CCL28: variants seen among roughly 807,000 people sequenced by gnomAD.
CCL28 encodes C-C motif chemokine ligand 28.
A neutral mutation model predicts 7.1 loss-of-function variants in CCL28; 4 were observed. The observed-to-expected ratio is 0.56, with a 90% CI of 0.28 to 1.29. The LOEUF (loss-of-function observed/expected upper bound fraction) is 1.29. Among genes scored for constraint, CCL28 ranks in the 50% most tolerant of loss-of-function variants. The probability of loss-of-function intolerance (pLI) is 0.11; values close to 1 mark genes in which losing one functional copy is unlikely to be tolerated. For synonymous variants in CCL28, 55 were observed against 57.8 expected, an observed-to-expected ratio of 0.95 and a Z score of 0.22; for missense variants, 151 against 163.4, an observed-to-expected ratio of 0.92 and a Z score of 0.41.
the CCL28 span, among the ~76,000 whole-genome samples, chr5:43,362,229 T>C: frequency 3.3e-5 from 5 of 152,238 alleles, no homozygotes; most frequent in East Asian, 9.6e-4. Context: ...TATTCCCAGG[T>C]ATTTTATTAT....
the CCL28 span, among the ~76,000 whole-genome samples, chr5:43,365,646 T>C: frequency 6.6e-6 from 1 of 152,244 alleles, no homozygotes; most frequent in Non-Finnish European, 1.5e-5. Flanking sequence ...TTGGGATTGC[T>C]CTTCTTGAAG....
chr5:43,362,934 A>T, the CCL28 span, among the ~76,000 whole-genome samples: 1 of 152,368 alleles, frequency 6.6e-6, no homozygotes, highest in African/African-American at 2.4e-5. Flanking sequence ...GTCACCCGTG[A>T]TCTACATGAT....
chr5:43,394,918 G>A (rs1034831261), intron 1 of CCL28, among the ~76,000 whole-genome samples: 13 of 151,302 alleles, frequency 8.6e-5, no homozygotes, highest in South Asian at 2.1e-4. Flanking sequence ...TTTATATATT[G>A]TATAAGATAT....
At chr5:43,377,750 T>TTG (rs1561151422), downstream of CCL28, among the ~76,000 whole-genome samples, 1 of 126,734 alleles carries the variant, frequency 7.9e-6, no homozygotes, top group Non-Finnish European at 1.6e-5. Flanking sequence ...TTTTTTTTTT[T>TTG]GAGACGGAGT....
At chr5:43,408,743 A>C (rs1024510086) in intron 1 of CCL28, among the ~76,000 whole-genome samples, 6 of 152,228 alleles carry the variant, frequency 3.9e-5, no homozygotes, top group African/African-American at 1.4e-4. Context: ...GAGGGATTAA[A>C]GGAATGATGA....
chr5:43,383,019 A>G (rs1740185233), intron 2 of CCL28, among the ~76,000 whole-genome samples: 1 of 151,972 alleles, frequency 6.6e-6, no homozygotes, highest in Non-Finnish European at 1.5e-5. Context: ...GGGTTTTACC[A>G]TGTTGGCCAG....
chr5:43,410,202 C>G (rs1251438707), intron 1 of CCL28, among the ~76,000 whole-genome samples: 1 of 152,196 alleles, frequency 6.6e-6, no homozygotes, highest in Admixed American at 6.5e-5. Context: ...TCCTCCCTCC[C>G]CACTTGGTTT....
chr5:43,405,401 G>A (rs1223423337), intron 1 of CCL28, among the ~76,000 whole-genome samples: 5 of 152,168 alleles, frequency 3.3e-5, no homozygotes, highest in Non-Finnish European at 7.3e-5. Flanking sequence ...TGACTACTGG[G>A]TACATAACAA....
At chr5:43,393,702 C>T (rs542002814) in intron 1 of CCL28, among the ~76,000 whole-genome samples, 54 of 152,298 alleles carry the variant, frequency 3.5e-4, no homozygotes, top group Non-Finnish European at 6.9e-4. Context: ...CATAGTGTAT[C>T]TTAATCTTTA....
chr5:43,369,406 TA>T, the CCL28 span, among the ~76,000 whole-genome samples: 1,238 of 152,256 alleles, frequency 8.1e-3, 13 homozygotes, highest in African/African-American at 0.029. Context: ...TATGTTATTT[TA>T]TTTTTTAAAT....
chr5:43,391,005 T>A lies in CCL28; in HGVS notation c.65-2529A>T, dbSNP rs142368099. Among the ~76,000 whole-genome samples the A allele has an allele frequency of 7.9e-4, 121 of 152,352 alleles. 1 individual carries two copies. The East Asian group carries it at 0.02, about 26-fold the overall frequency. On this transcript the variant is annotated intron_variant, in intron 1 of 2. Coordinates refer to ENST00000361115, the MANE Select transcript of CCL28 (RefSeq NM_148672.3). ...TTGCTCTGGCATTTTTGAGATTGTATCAACTTTTGCTCCATTAAAAATAAT... is the reference window on the plus strand; with the variant it reads ...TTGCTCTGGCATTTTTGAGATTGTAACAACTTTTGCTCCATTAAAAATAAT...
Position 43,380,120 on chromosome 5 carries a change from C to CA in CCL28, c.*1739dup, listed in dbSNP as rs573407869. The CA allele has an allele frequency of 9.8e-4, 146 of 148,416 alleles. No homozygotes were observed. The South Asian group carries it at 0.027, about 28-fold the overall frequency. 9.2% of individuals were successfully genotyped at this position (148,416 alleles called of 1,614,324 possible). On this transcript the variant is annotated 3_prime_UTR_variant, in exon 3 of 3. Transcript: ENST00000361115. ...TGGGCAACAGAGTGAGACTCTGTCT[C>CA]AAAAAAAAACAACCAAACAACAACA...
At chr5:43,387,034 A>G (rs1184759547) in intron 2 of CCL28, among the ~76,000 whole-genome samples, 1 of 152,246 alleles carries the variant, frequency 6.6e-6, no homozygotes, top group African/African-American at 2.4e-5. Flanking sequence ...GAGCTCAGGC[A>G]TAAGCAATGG....
At chr5:43,395,012 A>G (rs1352935063) in intron 1 of CCL28, among the ~76,000 whole-genome samples, 1 of 151,230 alleles carries the variant, frequency 6.6e-6, no homozygotes, top group East Asian at 1.9e-4. Context: ...TGTTTTGGGT[A>G]TTAAGGGTAT....
At chr5:43,367,849 T>C in the CCL28 span, among the ~76,000 whole-genome samples, 1 of 152,236 alleles carries the variant, frequency 6.6e-6, no homozygotes, top group East Asian at 1.9e-4. Context: ...ATGTTTTATA[T>C]AGGAATTCTG....
chr5:43,392,097 G>C (rs918103505), intron 1 of CCL28, among the ~76,000 whole-genome samples: 6 of 148,986 alleles, frequency 4.0e-5, no homozygotes, highest in African/African-American at 1.3e-4. Flanking sequence ...TTGAACATTT[G>C]CATATCTTAT....
chr5:43,383,551 A>ATATTCTCTTAT (rs1740209972), intron 2 of CCL28, among the ~76,000 whole-genome samples: 1 of 152,166 alleles, frequency 6.6e-6, no homozygotes, highest in Admixed American at 6.5e-5. Context: ...AGAGAATAAT[A>ATATTCTCTTAT]TATTCCCTAT....
At chr5:43,386,081 G>C (rs1385840422) in intron 2 of CCL28, among the ~76,000 whole-genome samples, 1 of 152,134 alleles carries the variant, frequency 6.6e-6, no homozygotes, top group African/African-American at 2.4e-5. Context: ...GAGGTGATAT[G>C]TGCCAATAAG....
chr5:43,390,212 C>T (rs776935742), intron 1 of CCL28, among the ~76,000 whole-genome samples: 23 of 152,138 alleles, frequency 1.5e-4, no homozygotes, highest in Non-Finnish European at 2.9e-4. Flanking sequence ...AACCTGTTTG[C>T]AAAGACCACC....
Sources: gnomAD v4.1 joint callset for allele counts (sites outside exome capture counted in the v4.1 genomes callset) on GRCh38, gnomAD v4.1.1 for gene constraint, MANE v1.5 for transcripts, NCBI Gene and HGNC (gene_info 2026-07-23, HGNC 2026-07-21) for gene names.